DENND2B: variants seen among roughly 807,000 people sequenced by gnomAD.
The protein encoded by DENND2B is DENN domain-containing protein 2B.
A neutral mutation model predicts 116.0 loss-of-function variants in DENND2B; 32 were observed. The observed-to-expected ratio is 0.28, with a 90% CI of 0.21 to 0.37. DENND2B has a LOEUF of 0.37. Ranked by LOEUF, DENND2B falls within the 10% of genes least tolerant of loss-of-function variation. The pLI is 1.00. For missense variants in DENND2B, 1,276 were observed against 1,477.7 expected (o/e 0.86, Z 2.24); for synonymous variants, 588 against 583.9 (o/e 1.01, Z -0.10).
At chr11:8,787,085 A>C (rs3763919) in intron 1 of DENND2B, 24,801 of 152,214 alleles carry the variant, frequency 0.16, 2,351 homozygotes, top group South Asian at 0.34. Flanking sequence ...ACAGCTAGTA[A>C]AAGGAGGAGC....
At chr11:8,771,956 C>T (rs2056973611) in intron 1 of DENND2B, 4 of 152,124 alleles carry the variant, frequency 2.6e-5, no homozygotes. Context: ...AATACCATCA[C>T]AATGACAATC....
intron 6 of DENND2B, among the ~76,000 whole-genome samples, chr11:8,715,264 AAGAACC>A (rs1368684004): frequency 6.6e-6 from 1 of 152,148 alleles, no homozygotes; most frequent in Non-Finnish European, 1.5e-5. Context: ...GAGTTATAGG[AAGAACC>A]CTTGTTTGAG....
At chr11:8,855,445 T>C (rs930538224) in intron 3 of DENND2B, among the ~76,000 whole-genome samples, 1 of 150,904 alleles carries the variant, frequency 6.6e-6, no homozygotes, top group Admixed American at 6.6e-5. Flanking sequence ...ATGCTAAATT[T>C]TCCCATCATC....
chr11:8,801,501 ACC>A (rs905823138), intron 1 of DENND2B, among the ~76,000 whole-genome samples: 1 of 151,630 alleles, frequency 6.6e-6, no homozygotes, highest in African/African-American at 2.4e-5. Context: ...ACATGGTGAA[ACC>A]CCGTCTCTAC....
At chr11:8,736,806 T>C (rs1276900582) in intron 2 of DENND2B, among the ~76,000 whole-genome samples, 1 of 151,922 alleles carries the variant, frequency 6.6e-6, no homozygotes, top group Non-Finnish European at 1.5e-5. Flanking sequence ...AGAAGCCACA[T>C]TATGGAAGGC....
At chr11:8,838,089 C>T (rs1474358535) in intron 4 of DENND2B, among the ~76,000 whole-genome samples, 4 of 152,188 alleles carry the variant, frequency 2.6e-5, no homozygotes, top group Admixed American at 2.0e-4. Flanking sequence ...TTTCTTACCA[C>T]GTTTTATACT....
intron 1 of DENND2B, among the ~76,000 whole-genome samples, chr11:8,890,804 T>C (rs946936498): frequency 2.0e-5 from 3 of 152,286 alleles, no homozygotes; most frequent in Admixed American, 6.5e-5. Flanking sequence ...GGAACCAAGT[T>C]GGAAAACACT....
intron 2 of DENND2B, among the ~76,000 whole-genome samples, chr11:8,741,545 T>C (rs2050210239): frequency 6.6e-6 from 1 of 152,192 alleles, no homozygotes; most frequent in Admixed American, 6.5e-5. Flanking sequence ...CCAATGGCAC[T>C]TGTGGTAGTT....
At position 8,720,085 on chromosome 11, in the gene DENND2B, G is replaced by C. The variant is rs370533265; in HGVS notation, c.1478-2193C>G. Among the ~76,000 whole-genome samples, 15 of 152,248 alleles carry C rather than the reference G, an allele frequency of 9.9e-5. No homozygotes were observed. In the East Asian group the frequency reaches 1.7e-3, roughly 18 times the overall value. On this transcript the variant is annotated intron_variant, in intron 4 of 19. Coordinates refer to ENST00000313726, the MANE Select transcript of DENND2B (RefSeq NM_213618.2). ...CTCCAGACACTGCCAGATGCTCTCT[G>C]GGACGGACAGAGGGAAGGAGGGAGA... is the stretch of plus-strand genomic sequence containing the variant.
intron 1 of DENND2B, among the ~76,000 whole-genome samples, chr11:8,793,768 T>G (rs919256253): frequency 6.6e-6 from 1 of 152,170 alleles, no homozygotes; most frequent in African/African-American, 2.4e-5. Context: ...TGGGGCTTTT[T>G]GGGGAATAAT....
At chr11:8,851,047 G>A (rs34371023) in intron 3 of DENND2B, among the ~76,000 whole-genome samples, 31,971 of 152,048 alleles carry the variant, frequency 0.21, 3,829 homozygotes, top group Middle Eastern at 0.36. Flanking sequence ...TTGGGGTGAT[G>A]TTGGTCAAAG....
At chr11:8,714,806 G>C in intron 6 of DENND2B, 100 bp from the exon 7 acceptor site, 1 of 1,022,720 alleles carries the variant, frequency 9.8e-7, no homozygotes, top group South Asian at 1.4e-5. Context: ...AATGGTACAA[G>C]CTTTCTGCAT....
In DENND2B at chr11:8,712,614, C is replaced by T. The variant is rs762722450; in HGVS notation, c.2109G>A (p.Val703=). The T allele has an allele frequency of 3.2e-6, 5 of 1,564,834 alleles. No homozygotes were observed. The highest frequency in any genetic ancestry group is 2.6e-6 in the Non-Finnish European group (3 of 1,153,988). Residue 703 remains valine, a synonymous_variant, in exon 9 of 20, where the codon GTG becomes GTA. Coordinates refer to ENST00000313726, the MANE Select transcript of DENND2B (RefSeq NM_213618.2). This position sits in a 1 kb window ranked among gnomAD's most constrained non-coding sequence, Gnocchi z 4.4. The part of the protein sequence containing the change: ...ERELFEYFVV[V]SLKKKPSRNT... The stretch of plus-strand genomic sequence containing the variant: ...TTCGCGATGGCTTCTTCTTGAGGGA[C>T]ACCACCACAAAGTACTCAAAAAGCT...
At chr11:8,796,362 TG>T (rs1212948691) in intron 1 of DENND2B, among the ~76,000 whole-genome samples, 1 of 152,140 alleles carries the variant, frequency 6.6e-6, no homozygotes, top group Non-Finnish European at 1.5e-5. Flanking sequence ...GCCAACATGG[TG>T]AAACCCTCTC....
At chr11:8,754,027 G>GCACACACACACACA (rs1555169735) in intron 1 of DENND2B, among the ~76,000 whole-genome samples, 3 of 11,584 alleles carry the variant, frequency 2.6e-4, no homozygotes, top group East Asian at 0.013. Context: ...CACCAAAAGC[G>GCACACACACACACA]CGCACACACA....
At chr11:8,764,511 C>T (rs10743087) in intron 1 of DENND2B, among the ~76,000 whole-genome samples, 88,247 of 152,050 alleles carry the variant, frequency 0.58, 26,627 homozygotes, top group Non-Finnish European at 0.66. Flanking sequence ...AGTAATTTGC[C>T]TAGCGTTTCA....
intron 2 of DENND2B, among the ~76,000 whole-genome samples, chr11:8,741,660 G>A (rs879649526): frequency 2.0e-5 from 3 of 152,134 alleles, no homozygotes; most frequent in East Asian, 3.9e-4. Context: ...CAATACAAGT[G>A]ATGTGGTGCT....
intron 4 of DENND2B, chr11:8,835,776 G>A (rs1420784091): frequency 6.6e-6 from 1 of 152,184 alleles, no homozygotes; most frequent in Non-Finnish European, 1.5e-5. Context: ...AATACCAAAT[G>A]CCAGACACAG....
Position 8,714,706 on chromosome 11 carries a change from G to A in DENND2B, c.1846C>T (p.Leu616Phe). ...TAGATGGAGTTAATTCTTTGGACAA[G>A]CTGGGTGAGAAAAGCAGGATGGGTG... ...SSRRARRIPK[L>F]VQRINSIYNA... Residue 616 changes from leucine to phenylalanine, a missense_variant and splice_region_variant, in exon 7 of 20, where the codon CTT becomes TTT. This residue lies in a region of DENND2B where 856 missense variants were observed against 846.6 expected (regional missense o/e 1.01). Transcript: ENST00000313726. 6.2e-7 allele frequency: 1 copy of A among 1,614,024 alleles called. No homozygotes were observed. Among genetic ancestry groups the A allele is most frequent in the Non-Finnish European group, 8.5e-7 (1 of 1,179,924 alleles).
Sources: allele counts gnomAD v4.1 joint callset (sites outside exome capture counted in the v4.1 genomes callset), GRCh38; gene constraint gnomAD v4.1.1; regional missense constraint gnomAD v4.1.1; non-coding constraint Gnocchi (gnomAD v3.1); transcripts MANE v1.5; gene names NCBI Gene and HGNC (gene_info 2026-07-23, HGNC 2026-07-21).